Variants in BCAS3 observed in about 807,000 individuals in gnomAD.
The protein encoded by BCAS3 is BCAS3 microtubule associated cell migration factor.
In BCAS3, 53 loss-of-function variants were observed where a neutral mutation model predicts 116.1. The observed-to-expected ratio is 0.46, with a 90% CI of 0.37 to 0.57. The LOEUF is 0.57. Among genes scored for constraint, BCAS3 ranks in the 20% least tolerant of loss-of-function variants. The pLI, the probability that BCAS3 is intolerant of heterozygous loss-of-function variation, is 0.00. For synonymous variants in BCAS3, 391 were observed against 408.2 expected, an observed-to-expected ratio of 0.96 and a Z score of 0.51; for missense variants, 917 against 1,165.4, an observed-to-expected ratio of 0.79 and a Z score of 3.10.
At chr17:61,271,581 G>T (rs900108275) in intron 22 of BCAS3, among the ~76,000 whole-genome samples, 4 of 138,724 alleles carry the variant, frequency 2.9e-5, no homozygotes, top group Non-Finnish European at 4.6e-5. Flanking sequence ...CCGCCATCAC[G>T]CCCAGCTCTG....
intron 22 of BCAS3, among the ~76,000 whole-genome samples, chr17:61,294,192 G>A (rs1229622805): frequency 6.6e-6 from 1 of 152,170 alleles, no homozygotes; most frequent in African/African-American, 2.4e-5. Context: ...CCCAACTACT[G>A]TAGTTAAACT....
intron 7 of BCAS3, among the ~76,000 whole-genome samples, chr17:60,850,345 GTTTTT>G (rs10573405): frequency 1.3e-4 from 5 of 37,728 alleles, no homozygotes; most frequent in African/African-American, 5.6e-4. Context: ...TGGCACCACT[GTTTTT>G]TTTTTTTTTT....
chr17:61,309,679 A>T lies in BCAS3; in HGVS notation c.2426-58648A>T, dbSNP rs2054143483. Among the ~76,000 whole-genome samples, 2 of 152,164 alleles carry T rather than the reference A, an allele frequency of 1.3e-5. No individual in the cohort carries two copies. The highest frequency in any genetic ancestry group is 2.4e-5 in the African/African-American group (1 of 41,436). On this transcript the variant is annotated intron_variant, in intron 22 of 23. Coordinates refer to ENST00000407086, the MANE Select transcript of BCAS3 (RefSeq NM_017679.5). This position sits in a 1 kb window ranked among gnomAD's most constrained non-coding sequence, Gnocchi z 4.6. Reference sequence around the variant, plus strand: ...ACACACACATCCAGAAGGCACTGTGAGCAAAGCCTGGAACTGGAGAGATGA... The same window carrying T: ...ACACACACATCCAGAAGGCACTGTGTGCAAAGCCTGGAACTGGAGAGATGA...
chr17:61,247,288 C>A (rs1417724667), intron 22 of BCAS3, among the ~76,000 whole-genome samples: 1 of 152,116 alleles, frequency 6.6e-6, no homozygotes, highest in Non-Finnish European at 1.5e-5. Context: ...TATAATACAT[C>A]TTTCAGAAGG....
rs1186842312 is a variant in BCAS3 at position 61,368,699 on chromosome 17, G to A, written c.2593+205G>A. On this transcript the variant is annotated intron_variant, in intron 23 of 23. Coordinates refer to ENST00000407086, the MANE Select transcript of BCAS3 (RefSeq NM_017679.5). The surrounding 1 kb of genome is among the most constrained non-coding windows in gnomAD (Gnocchi z 6.0). Reference sequence around the variant, plus strand: ...CTCCCAGTGGAACTGCCCCTCCCACGTGGAATACCACATGCAGGATTGCCA... The same window carrying A: ...CTCCCAGTGGAACTGCCCCTCCCACATGGAATACCACATGCAGGATTGCCA... 6.6e-6 allele frequency among the ~76,000 whole-genome samples: 1 copy of A among 152,240 alleles called. No individual in the cohort carries two copies.
rs902839528 is a variant in BCAS3 at position 61,214,870 on chromosome 17, C to T, written c.2425+130306C>T. Among the ~76,000 whole-genome samples, 4 of 151,988 alleles carry T rather than the reference C, an allele frequency of 2.6e-5. No homozygotes were observed. The highest frequency in any genetic ancestry group is 2.6e-4 in the Admixed American group (4 of 15,270). On this transcript the variant is annotated intron_variant, in intron 22 of 23. Coordinates refer to ENST00000407086, the MANE Select transcript of BCAS3 (RefSeq NM_017679.5). The surrounding 1 kb of genome is among the most constrained non-coding windows in gnomAD (Gnocchi z 4.4). ...TAAGGGTGTACTATAAAGGTGGTAA[C>T]CAGTAGCTAGCAATAACAAGCTTGT...
chr17:61,187,473 A>G (rs1182864759), intron 22 of BCAS3, among the ~76,000 whole-genome samples: 2 of 152,224 alleles, frequency 1.3e-5, no homozygotes, highest in African/African-American at 4.8e-5. Context: ...TCTATACTTA[A>G]AAGTTTTTCC....
Position 60,886,574 on chromosome 17 carries a change from T to C in BCAS3, c.662-3121T>C, listed in dbSNP as rs560654392. The C allele has an allele frequency of 4.7e-4, 70 of 150,530 alleles. 1 individual carries two copies. Among genetic ancestry groups the C allele is most frequent in the African/African-American group, 1.5e-3 (61 of 41,294 alleles). The allele number at this position is 150,530 out of a possible 1,614,324, so 9.3% of individuals were successfully genotyped here. On this transcript the variant is annotated intron_variant, in intron 9 of 23. Transcript: ENST00000407086. Reference sequence around the variant, plus strand: ...TTCTGTTTTTTCCCCATCTTTGTGGTTTTATCTACTTTTGGTCTTTGATGA... The same window carrying C: ...TTCTGTTTTTTCCCCATCTTTGTGGCTTTATCTACTTTTGGTCTTTGATGA...
At chr17:61,190,077 AGT>A (rs1385602907) in intron 22 of BCAS3, among the ~76,000 whole-genome samples, 12 of 152,232 alleles carry the variant, frequency 7.9e-5, no homozygotes, top group Non-Finnish European at 1.2e-4. Flanking sequence ...TTCAATCAGC[AGT>A]GTCATTCCTT....
rs1405381850 is a variant in BCAS3 at position 61,204,885 on chromosome 17, C to T, written c.2425+120321C>T. On this transcript the variant is annotated intron_variant, in intron 22 of 23. Transcript: ENST00000407086. This position sits in a 1 kb window ranked among gnomAD's most constrained non-coding sequence, Gnocchi z 4.2. Reference sequence around the variant, plus strand: ...TGGGCAACAGGGCAAAACACCTTCTCAACAAAAAATATAGAAATTAGCCTG... The same window carrying T: ...TGGGCAACAGGGCAAAACACCTTCTTAACAAAAAATATAGAAATTAGCCTG... Among the ~76,000 whole-genome samples the T allele has an allele frequency of 6.6e-6, 1 of 152,086 alleles. No individual in the cohort carries two copies. Among genetic ancestry groups the T allele is most frequent in the Non-Finnish European group, 1.5e-5 (1 of 68,012 alleles).
intron 5 of BCAS3, among the ~76,000 whole-genome samples, chr17:60,741,292 T>A (rs1284123897): frequency 6.6e-6 from 1 of 152,232 alleles, no homozygotes; most frequent in East Asian, 1.9e-4. Flanking sequence ...TGTGTTGGCC[T>A]GGAAACTGAA....
At position 61,029,141 on chromosome 17, in the gene BCAS3, A is replaced by G. The variant is rs2066457568; in HGVS notation, c.1638-5525A>G. ...GGTAATATATGTATTTTGGATGAAAAATGAAATTTTTAAATGAAATGTAAA... is the reference window on the plus strand; with the variant it reads ...GGTAATATATGTATTTTGGATGAAAGATGAAATTTTTAAATGAAATGTAAA... On this transcript the variant is annotated intron_variant, in intron 16 of 23. Transcript: ENST00000407086. The surrounding 1 kb of genome is among the most constrained non-coding windows in gnomAD (Gnocchi z 5.2). 6.6e-6 allele frequency among the ~76,000 whole-genome samples: 1 copy of G among 151,974 alleles called. No homozygotes were observed. The highest frequency in any genetic ancestry group is 1.5e-5 in the Non-Finnish European group (1 of 67,870).
chr17:61,348,062 T>C lies in BCAS3; in HGVS notation c.2426-20265T>C, dbSNP rs2093628606. Reference sequence around the variant, plus strand: ...ATGAATTGAAGGGAAGCCACATTAATAGGCGGAAAGACCAGTTTAAAGATT... The same window carrying C: ...ATGAATTGAAGGGAAGCCACATTAACAGGCGGAAAGACCAGTTTAAAGATT... On this transcript the variant is annotated intron_variant, in intron 22 of 23. Transcript: ENST00000407086. This position sits in a 1 kb window ranked among gnomAD's most constrained non-coding sequence, Gnocchi z 4.5. Among the ~76,000 whole-genome samples, 1 of 152,182 alleles carries C rather than the reference T, an allele frequency of 6.6e-6. No individual in the cohort carries two copies. Among genetic ancestry groups the C allele is most frequent in the Non-Finnish European group, 1.5e-5 (1 of 68,026 alleles).
In BCAS3 at chr17:61,156,498, G is replaced by T. The variant is rs914446275; in HGVS notation, c.2425+71934G>T. Among the ~76,000 whole-genome samples the T allele has an allele frequency of 3.9e-5, 6 of 152,132 alleles. No homozygotes were observed. Among genetic ancestry groups the T allele is most frequent in the Non-Finnish European group, 7.3e-5 (5 of 68,032 alleles). On this transcript the variant is annotated intron_variant, in intron 22 of 23. Transcript: ENST00000407086. This position sits in a 1 kb window ranked among gnomAD's most constrained non-coding sequence, Gnocchi z 4.7. ...TCCTTGAGTGTCCTTACCTGAAATG[G>T]TCTCTTTGGTTTTGTAGGTTCAGAC...
At chr17:61,321,956 G>A (rs1052834613) in intron 22 of BCAS3, among the ~76,000 whole-genome samples, 7 of 151,418 alleles carry the variant, frequency 4.6e-5, no homozygotes, top group African/African-American at 1.2e-4. Context: ...TTTTTGAGAC[G>A]GAGTTTCCCT....
At chr17:61,264,281 AAAG>A (rs1223065775) in intron 22 of BCAS3, among the ~76,000 whole-genome samples, 1 of 152,162 alleles carries the variant, frequency 6.6e-6, no homozygotes, top group Non-Finnish European at 1.5e-5. Context: ...CTTGTGTATA[AAAG>A]AAGACTCATT....
chr17:60,996,636 C>T (rs1490595575), intron 15 of BCAS3, among the ~76,000 whole-genome samples: 1 of 152,046 alleles, frequency 6.6e-6, no homozygotes, highest in Non-Finnish European at 1.5e-5. Context: ...TTACATGAGT[C>T]TGGAGTTCAG....
intron 22 of BCAS3, among the ~76,000 whole-genome samples, chr17:61,297,209 A>G (rs1200640618): frequency 6.6e-6 from 1 of 152,230 alleles, no homozygotes; most frequent in Non-Finnish European, 1.5e-5. Flanking sequence ...TGCAATAGAA[A>G]GGTGGGAGTC....
chr17:61,344,281 C>A lies in BCAS3; in HGVS notation c.2426-24046C>A, dbSNP rs2143269418. 6.6e-6 allele frequency among the ~76,000 whole-genome samples: 1 copy of A among 152,228 alleles called. No individual in the cohort carries two copies. The highest frequency in any genetic ancestry group is 6.5e-5 in the Admixed American group (1 of 15,280). On this transcript the variant is annotated intron_variant, in intron 22 of 23. Transcript: ENST00000407086. This position sits in a 1 kb window ranked among gnomAD's most constrained non-coding sequence, Gnocchi z 4.1. ...ATCCCCTTGCTTTTAAAGAGCCAACCTCTTACCAGTTGCTTCTCTTTTGTC... is the reference window on the plus strand; with the variant it reads ...ATCCCCTTGCTTTTAAAGAGCCAACATCTTACCAGTTGCTTCTCTTTTGTC...
Sources: gnomAD v4.1 joint callset for allele counts (sites outside exome capture counted in the v4.1 genomes callset) on GRCh38, gnomAD v4.1.1 for gene constraint, Gnocchi (gnomAD v3.1) non-coding constraint, MANE v1.5 for transcripts, NCBI Gene and HGNC (gene_info 2026-07-23, HGNC 2026-07-21) for gene names.